Variants in LARS2 observed in about 807,000 individuals in gnomAD.
LARS2 encodes the protein leucine--tRNA ligase, mitochondrial.
LARS2 carries 81 observed loss-of-function variants against 116.6 expected under a neutral mutation model. The observed-to-expected ratio is 0.69, with a 90% confidence interval of 0.58 to 0.84. The LOEUF (loss-of-function observed/expected upper bound fraction) is 0.84, where lower values mean the gene tolerates loss of function less well. Ranked by LOEUF, LARS2 falls within the 40% of genes least tolerant of loss-of-function variation. The pLI is 0.00. For synonymous variants in LARS2, 396 were observed against 407.2 expected (o/e 0.97, Z 0.33); for missense variants, 968 against 1,114.5 (o/e 0.87, Z 1.87).
intron 6 of LARS2, among the ~76,000 whole-genome samples, chr3:45,430,029 T>TTTTTG (rs1553629354): frequency 7.2e-6 from 1 of 138,762 alleles, no homozygotes; most frequent in Admixed American, 7.2e-5. Flanking sequence ...TTTTTTTTTT[T>TTTTTG]GAGACAGAGT....
chr3:45,425,185 A>T (rs1698573640), intron 6 of LARS2, among the ~76,000 whole-genome samples: 1 of 152,088 alleles, frequency 6.6e-6, no homozygotes, highest in African/African-American at 2.4e-5. Flanking sequence ...GCCCTTGAAG[A>T]TTTATTTTTG....
intron 8 of LARS2, among the ~76,000 whole-genome samples, chr3:45,473,996 T>G (rs1344332141): frequency 6.6e-6 from 1 of 152,140 alleles, no homozygotes; most frequent in Non-Finnish European, 1.5e-5. Flanking sequence ...TTTTCTTCTT[T>G]CCGTGAAACC....
At chr3:45,536,728 C>T (rs1219358296) in intron 20 of LARS2, among the ~76,000 whole-genome samples, 10 of 152,200 alleles carry the variant, frequency 6.6e-5, no homozygotes, top group Non-Finnish European at 1.3e-4. Flanking sequence ...CATGTCTATA[C>T]GTGTTTTGTA....
At chr3:45,388,929 C>T (rs1253265905) in intron 1 of LARS2, 2 of 152,216 alleles carry the variant, frequency 1.3e-5, no homozygotes, top group Non-Finnish European at 2.9e-5. Context: ...TAGTTTTGTA[C>T]TCAAGCTCCC....
intron 6 of LARS2, among the ~76,000 whole-genome samples, chr3:45,446,030 C>T (rs1021551769): frequency 6.6e-6 from 1 of 152,200 alleles, no homozygotes; most frequent in African/African-American, 2.4e-5. Flanking sequence ...GGCACAATCA[C>T]ACCACTGCAC....
intron 20 of LARS2, among the ~76,000 whole-genome samples, chr3:45,526,997 C>G (rs1347121115): frequency 2.0e-5 from 3 of 152,102 alleles, no homozygotes; most frequent in African/African-American, 7.2e-5. Flanking sequence ...GCACCTCATC[C>G]AGGTAGAGAC....
rs1700394469 is a variant in LARS2, at chr3:45,517,931, GCAA to G, written c.2078_2080del (p.Gln693del). The G allele has an allele frequency of 1.2e-6, 2 of 1,613,662 alleles. No homozygotes were observed. Among genetic ancestry groups the G allele is most frequent in the Non-Finnish European group, 1.7e-6 (2 of 1,179,832 alleles). On this transcript the variant is annotated inframe_deletion, in exon 18 of 22. Coordinates refer to ENST00000645846, the MANE Select transcript of LARS2 (RefSeq NM_015340.4). The stretch of plus-strand genomic sequence containing the variant: ...ATGCTCTCCCTGGGGTGCTGAGATG[GCAA>G]CAACGACTGTGGACCTTGACAACTC...
intron 13 of LARS2, among the ~76,000 whole-genome samples, chr3:45,496,024 T>C (rs1700005331): frequency 6.6e-6 from 1 of 152,164 alleles, no homozygotes; most frequent in South Asian, 2.1e-4. Context: ...GACGCCCAGC[T>C]AATTGTTCGT....
At chr3:45,471,213 G>GAAAAGTACCTTCA (rs1699520760) in intron 8 of LARS2, among the ~76,000 whole-genome samples, 1 of 152,148 alleles carries the variant, frequency 6.6e-6, no homozygotes, top group Non-Finnish European at 1.5e-5. Flanking sequence ...AGCAGCTATT[G>GAAAAGTACCTTCA]GAAAAGGTAC....
intron 1 of LARS2, among the ~76,000 whole-genome samples, chr3:45,390,726 C>G (rs1217354649): frequency 6.6e-6 from 1 of 151,368 alleles, no homozygotes; most frequent in Admixed American, 6.6e-5. Flanking sequence ...GATCTCAGCT[C>G]ACTGCAAGCT....
intron 20 of LARS2, among the ~76,000 whole-genome samples, chr3:45,525,094 A>G (rs1174086414): frequency 6.6e-6 from 1 of 152,200 alleles, no homozygotes; most frequent in Non-Finnish European, 1.5e-5. Flanking sequence ...GGGCCCTACC[A>G]TCTCCCTCAG....
intron 19 of LARS2, among the ~76,000 whole-genome samples, chr3:45,523,668 A>G (rs1022270936): frequency 1.3e-4 from 20 of 151,776 alleles, no homozygotes; most frequent in African/African-American, 4.8e-4. Context: ...CTGGGACTAT[A>G]GGTGTGTGCA....
chr3:45,547,401 G>A lies in LARS2; in HGVS notation c.2583G>A (p.Arg861=). ...GKIPVPQQVA[R]DQDKVHEFVL... ...TTCCTGTGCCCCAACAAGTTGCCCG[G>A]GACCAGGACAAAGTCCACGAATTTG... Residue 861 remains arginine, a synonymous_variant, in exon 22 of 22, where the codon CGG becomes CGA. Coordinates refer to ENST00000645846, the MANE Select transcript of LARS2 (RefSeq NM_015340.4). The A allele has an allele frequency of 6.2e-7, 1 of 1,613,242 alleles. No homozygotes were observed. The highest frequency in any genetic ancestry group is 8.5e-7 in the Non-Finnish European group (1 of 1,179,718).
At chr3:45,484,630 A>AAATATATATATATAT (rs1553634443) in intron 10 of LARS2, among the ~76,000 whole-genome samples, 1 of 9,744 alleles carries the variant, frequency 1.0e-4, no homozygotes, top group African/African-American at 1.8e-4. Flanking sequence ...AAAAAAAAAA[A>AAATATATATATATAT]ATATATATAT....
intron 8 of LARS2, among the ~76,000 whole-genome samples, chr3:45,465,236 A>AT (rs1274811277): frequency 2.6e-5 from 4 of 152,124 alleles, no homozygotes; most frequent in South Asian, 2.1e-4. Context: ...TTCTTACATA[A>AT]TATCTCCTGC....
At chr3:45,396,991 T>C (rs1422803793) in intron 3 of LARS2, among the ~76,000 whole-genome samples, 5 of 152,220 alleles carry the variant, frequency 3.3e-5, no homozygotes, top group South Asian at 2.1e-4. Context: ...CGGATTCCTA[T>C]TGAGGTGCTC....
At chr3:45,538,559 A>C (rs755747630) in intron 20 of LARS2, 31 of 152,378 alleles carry the variant, frequency 2.0e-4, no homozygotes, top group Middle Eastern at 3.4e-3. Context: ...TGTTAGACAC[A>C]GAATAGGTTC....
In LARS2 at chr3:45,537,403, T is replaced by A. The variant is rs190877288; in HGVS notation, c.2405-4426T>A. 2.9e-3 allele frequency among the ~76,000 whole-genome samples: 448 copies of A among 152,328 alleles called. 1 individual carries two copies. The highest frequency in any genetic ancestry group is 5.4e-3 in the Non-Finnish European group (366 of 68,030). ...TGGTTGTGAAATGTAGCTATTGTGT[T>A]TTGCTGTCTTTACACTGTACTCATT... is the stretch of plus-strand genomic sequence containing the variant. On this transcript the variant is annotated intron_variant, in intron 20 of 21. Coordinates refer to ENST00000645846, the MANE Select transcript of LARS2 (RefSeq NM_015340.4).
At chr3:45,546,558 A>G (rs898461048) in intron 21 of LARS2, among the ~76,000 whole-genome samples, 1 of 152,234 alleles carries the variant, frequency 6.6e-6, no homozygotes, top group Non-Finnish European at 1.5e-5. Flanking sequence ...AACTTGAGAA[A>G]TTATTCCTAG....
Sources: allele counts gnomAD v4.1 joint callset (sites outside exome capture counted in the v4.1 genomes callset), GRCh38; gene constraint gnomAD v4.1.1; transcripts MANE v1.5; gene names NCBI Gene and HGNC (gene_info 2026-07-23, HGNC 2026-07-21).